TRHDE: variants seen among roughly 807,000 people sequenced by gnomAD.
TRHDE encodes thyrotropin-releasing hormone-degrading ectoenzyme.
Under a neutral mutation model 125.7 loss-of-function variants are expected in TRHDE, and 72 were observed. The ratio of observed to expected loss-of-function variants is 0.57; its 90% confidence interval spans 0.47 to 0.70. The LOEUF (loss-of-function observed/expected upper bound fraction) is 0.70, where lower values mean the gene tolerates loss of function less well. TRHDE is among the 30% of genes least tolerant of loss of function. TRHDE has a pLI of 0.00. For missense variants in TRHDE, 1,110 were observed against 1,327.1 expected (o/e 0.84, Z 2.54); for synonymous variants, 509 against 509.1 (o/e 1.00, Z 0.00).
At chr12:72,383,735 A>ATTTTTTTTTTTTTTTTTT (rs1872292244) in intron 3 of TRHDE, among the ~76,000 whole-genome samples, 1 of 105,356 alleles carries the variant, frequency 9.5e-6, no homozygotes, top group Non-Finnish European at 2.0e-5. Context: ...TTTTTTTTTC[A>ATTTTTTTTTTTTTTTTTT]TTTTCCAGAT....
chr12:72,135,037 A>T (rs889997198), intron 2 of TRHDE, among the ~76,000 whole-genome samples: 2 of 152,180 alleles, frequency 1.3e-5, no homozygotes, highest in African/African-American at 2.4e-5. Context: ...ACTATTAAAA[A>T]AAAAAGAAAA....
chr12:72,333,989 G>A (rs1592551307), intron 2 of TRHDE, among the ~76,000 whole-genome samples: 2 of 152,280 alleles, frequency 1.3e-5, no homozygotes, highest in East Asian at 3.9e-4. Flanking sequence ...TAGTGGAATG[G>A]GTATAATTTT....
At chr12:72,381,739 G>A (rs753857392) in intron 3 of TRHDE, among the ~76,000 whole-genome samples, 1 of 152,230 alleles carries the variant, frequency 6.6e-6, no homozygotes, top group Non-Finnish European at 1.5e-5. Context: ...GTAAGAGAAA[G>A]AGAGGCATCT....
intron 5 of TRHDE, among the ~76,000 whole-genome samples, chr12:72,492,758 T>C (rs1213681624): frequency 1.3e-5 from 2 of 151,884 alleles, no homozygotes; most frequent in African/African-American, 4.8e-5. Context: ...CTAGGGACTC[T>C]TAAAAGTCTT....
chr12:72,595,296 C>G (rs1280683761), intron 12 of TRHDE, among the ~76,000 whole-genome samples: 7 of 151,438 alleles, frequency 4.6e-5, no homozygotes, highest in Non-Finnish European at 8.8e-5. Flanking sequence ...AATAAGCATT[C>G]AAAAAAACAA....
Position 72,663,088 on chromosome 12 carries a change from G to A in TRHDE, c.3103G>A (p.Ala1035Thr), listed in dbSNP as rs527255130. The change falls in exon 19 of 19, where the codon GCT becomes ACT. Residue 1035 changes from alanine to threonine, a missense_variant. Ala to Thr is a moderately conservative substitution (Grantham distance 58). Coordinates refer to ENST00000261180, the MANE Select transcript of TRHDE (RefSeq NM_013381.3). ...NFMKNYDGVA[A>T]ASFSRAVETV... is the part of the protein sequence containing the mutation. ...CATGAAAAACTATGATGGGGTAGCT[G>A]CTGCTTCTTTCTCACGAGCTGTGGA... is the stretch of plus-strand genomic sequence containing the variant. 409 of 1,612,618 alleles carry A rather than the reference G, an allele frequency of 2.5e-4. 5 individuals carry two copies. The South Asian group carries it at 4.1e-3, about 16-fold the overall frequency.
chr12:72,343,593 T>C (rs1870180217), intron 2 of TRHDE, among the ~76,000 whole-genome samples: 1 of 152,176 alleles, frequency 6.6e-6, no homozygotes, highest in Non-Finnish European at 1.5e-5. Flanking sequence ...TTCAATTTTA[T>C]GTGTTCTCTC....
chr12:72,218,147 C>A (rs897617711), intron 2 of TRHDE, among the ~76,000 whole-genome samples: 1 of 151,852 alleles, frequency 6.6e-6, no homozygotes, highest in African/African-American at 2.4e-5. Context: ...AATATAGGCA[C>A]AGAAAAAATG....
intron 3 of TRHDE, among the ~76,000 whole-genome samples, chr12:72,448,298 C>T (rs577743891): frequency 4.1e-4 from 62 of 152,082 alleles, no homozygotes; most frequent in South Asian, 8.3e-4. Context: ...CAGTGCCTTG[C>T]GTAAGAGGTG....
chr12:72,103,361 G>A (rs1474052983), intron 1 of TRHDE, among the ~76,000 whole-genome samples: 2 of 152,118 alleles, frequency 1.3e-5, no homozygotes, highest in African/African-American at 2.4e-5. Context: ...TGGAAAGTCT[G>A]CCACTTAAAA....
chr12:72,274,207 T>G (rs1565680334), intron 1 of TRHDE, among the ~76,000 whole-genome samples: 1 of 152,176 alleles, frequency 6.6e-6, no homozygotes, highest in African/African-American at 2.4e-5. Context: ...CAGCGATAAG[T>G]GGCCTCGCGG....
intron 2 of TRHDE, among the ~76,000 whole-genome samples, chr12:72,149,557 G>A (rs971220105): frequency 6.6e-6 from 1 of 151,658 alleles, no homozygotes; most frequent in African/African-American, 2.4e-5. Context: ...TTAGAGTTGT[G>A]TTGTATATTT....
At chr12:72,433,518 T>G (rs745494385) in intron 3 of TRHDE, among the ~76,000 whole-genome samples, 1 of 151,912 alleles carries the variant, frequency 6.6e-6, no homozygotes, top group East Asian at 2.0e-4. Context: ...GCCTTTGCCC[T>G]ATGAGCAAGC....
At chr12:72,204,529 C>A (rs1003723648) in intron 2 of TRHDE, among the ~76,000 whole-genome samples, 4 of 152,122 alleles carry the variant, frequency 2.6e-5, no homozygotes, top group Non-Finnish European at 5.9e-5. Flanking sequence ...TAGTCAAATT[C>A]TTTCCTGAGG....
chr12:72,142,048 T>C (rs1199488174), intron 2 of TRHDE, among the ~76,000 whole-genome samples: 1 of 149,700 alleles, frequency 6.7e-6, no homozygotes, highest in Non-Finnish European at 1.5e-5. Context: ...AATGGCAAAG[T>C]ATGATCTTCT....
intron 2 of TRHDE, among the ~76,000 whole-genome samples, chr12:72,224,870 A>G (rs1406485644): frequency 1.3e-5 from 2 of 152,176 alleles, no homozygotes; most frequent in African/African-American, 2.4e-5. Flanking sequence ...AAATAGTTAC[A>G]TTTTAAATAA....
chr12:72,445,699 C>T (rs559514424), intron 3 of TRHDE, among the ~76,000 whole-genome samples: 3 of 152,082 alleles, frequency 2.0e-5, no homozygotes, highest in Non-Finnish European at 4.4e-5. Flanking sequence ...CTTTCTAGAT[C>T]AGACATTACA....
intron 2 of TRHDE, among the ~76,000 whole-genome samples, chr12:72,291,390 T>A (rs1592523195): frequency 6.6e-6 from 1 of 152,226 alleles, no homozygotes; most frequent in South Asian, 2.1e-4. Flanking sequence ...TCCTTAATTA[T>A]GGATGAATGG....
intron 2 of TRHDE, among the ~76,000 whole-genome samples, chr12:72,182,534 A>C (rs1440710128): frequency 6.6e-6 from 1 of 152,184 alleles, no homozygotes; most frequent in Non-Finnish European, 1.5e-5. Context: ...CCGTAGTTGA[A>C]GTTTTCTTCT....
Sources: gnomAD v4.1 joint callset for allele counts (sites outside exome capture counted in the v4.1 genomes callset) on GRCh38, gnomAD v4.1.1 for gene constraint, MANE v1.5 for transcripts, NCBI Gene and HGNC (gene_info 2026-07-23, HGNC 2026-07-21) for gene names.